Variants in NOL10 observed in about 807,000 individuals in gnomAD.
NOL10 encodes the protein H_NH0074G24.1.
In NOL10, 58 loss-of-function variants were observed where a neutral mutation model predicts 103.5. The observed-to-expected ratio is 0.56, with a 90% CI of 0.45 to 0.70. NOL10 has a LOEUF of 0.70. NOL10 is among the 30% of genes least tolerant of loss of function. The pLI is 0.00. For synonymous variants in NOL10, 287 were observed against 282.5 expected, an observed-to-expected ratio of 1.02 and a Z score of -0.16; for missense variants, 763 against 807.3, an observed-to-expected ratio of 0.95 and a Z score of 0.67.
intron 17 of NOL10, among the ~76,000 whole-genome samples, chr2:10,596,836 C>T (rs1158779132): frequency 1.3e-5 from 2 of 152,152 alleles, no homozygotes; most frequent in African/African-American, 4.8e-5. Context: ...AAAAATGATA[C>T]CTATAGGAAA....
chr2:10,612,637 G>C (rs1425288621), intron 13 of NOL10, among the ~76,000 whole-genome samples: 1 of 151,980 alleles, frequency 6.6e-6, no homozygotes, highest in African/African-American at 2.4e-5. Flanking sequence ...TGAGTAGCTG[G>C]GATTACAGGC....
chr2:10,657,603 C>T (rs1475940998), intron 11 of NOL10, 139 bp downstream of exon 11: 3 of 615,986 alleles, frequency 4.9e-6, no homozygotes, highest in Non-Finnish European at 8.1e-6. Context: ...CCAAAAGTAA[C>T]TGACCTCCCG....
chr2:10,689,259 C>T (rs1323162250), intron 1 of NOL10, among the ~76,000 whole-genome samples: 2 of 152,146 alleles, frequency 1.3e-5, no homozygotes, highest in African/African-American at 4.8e-5. Context: ...ACCGACTTGT[C>T]CAAGCCCTCT....
intron 19 of NOL10, among the ~76,000 whole-genome samples, chr2:10,587,795 C>T (rs1159316267): frequency 6.6e-6 from 1 of 152,146 alleles, no homozygotes; most frequent in East Asian, 1.9e-4. Flanking sequence ...CATATCTCAA[C>T]CCCAGAAACA....
chr2:10,618,163 C>A (rs1384233509), intron 13 of NOL10, among the ~76,000 whole-genome samples: 1 of 151,836 alleles, frequency 6.6e-6, no homozygotes, highest in Non-Finnish European at 1.5e-5. Flanking sequence ...GGGTGGGTAC[C>A]ACAGAGCCTG....
At chr2:10,620,855 G>C (rs1677103229) in intron 13 of NOL10, among the ~76,000 whole-genome samples, 1 of 152,144 alleles carries the variant, frequency 6.6e-6, no homozygotes, top group Admixed American at 6.6e-5. Flanking sequence ...GAGTGCAGTG[G>C]CATGATCTCA....
intron 13 of NOL10, among the ~76,000 whole-genome samples, chr2:10,632,407 C>A (rs1032349006): frequency 6.6e-6 from 1 of 152,172 alleles, no homozygotes; most frequent in Non-Finnish European, 1.5e-5. Flanking sequence ...TGAATGGGCT[C>A]ACTGTGTTTC....
rs576429098 is a variant in NOL10 at position 10,628,735 on chromosome 2, C to T, written c.1026+15585G>A. On this transcript the variant is annotated intron_variant, in intron 13 of 20. Transcript: ENST00000381685. ...CCAAAAAATCCCATGTCTTAAATGA[C>T]CAGAATCACACTCAGTGTGATGCTG... 1.6e-3 allele frequency among the ~76,000 whole-genome samples: 246 copies of T among 152,254 alleles called. 2 individuals carry two copies. The highest frequency in any genetic ancestry group is 5.7e-3 in the African/African-American group (238 of 41,540).
intron 13 of NOL10, among the ~76,000 whole-genome samples, chr2:10,631,495 A>C (rs372115119): frequency 7.0e-6 from 1 of 142,252 alleles, no homozygotes; most frequent in African/African-American, 3.1e-5. Flanking sequence ...TTTTTATAGG[A>C]AAAAAAAGTT....
intron 3 of NOL10, among the ~76,000 whole-genome samples, chr2:10,680,075 G>C (rs996968314): frequency 6.6e-6 from 1 of 150,844 alleles, no homozygotes; most frequent in South Asian, 2.2e-4. Flanking sequence ...AGGAGTTCGA[G>C]ACCAGCCTGG....
At chr2:10,673,635 T>G in intron 4 of NOL10, 78 bp from the exon 5 acceptor site, 2 of 947,548 alleles carry the variant, frequency 2.1e-6, no homozygotes, top group Non-Finnish European at 3.2e-6. Context: ...GCAAAGATTC[T>G]AATTCAACAC....
intron 1 of NOL10, among the ~76,000 whole-genome samples, chr2:10,686,540 G>C (rs1479341426): frequency 6.6e-6 from 1 of 152,112 alleles, no homozygotes; most frequent in Non-Finnish European, 1.5e-5. Flanking sequence ...GGATCACCCT[G>C]GCAGCTTACT....
chr2:10,629,017 C>T (rs1572328086), intron 13 of NOL10, among the ~76,000 whole-genome samples: 1 of 152,140 alleles, frequency 6.6e-6, no homozygotes, highest in East Asian at 1.9e-4. Context: ...ACATATGCCC[C>T]CCAGAGCGAA....
intron 20 of NOL10, among the ~76,000 whole-genome samples, chr2:10,576,027 T>C (rs777930841): frequency 3.1e-4 from 47 of 152,170 alleles, no homozygotes; most frequent in Middle Eastern, 3.2e-3. Flanking sequence ...TGGATGCACG[T>C]TGGGAAAATT....
At chr2:10,643,772 A>T (rs997881172) in intron 13 of NOL10, among the ~76,000 whole-genome samples, 8 of 152,244 alleles carry the variant, frequency 5.3e-5, no homozygotes, top group African/African-American at 1.2e-4. Flanking sequence ...AAATAAATGT[A>T]AATCAGAAGA....
chr2:10,593,608 A>C (rs528905244), intron 17 of NOL10, among the ~76,000 whole-genome samples: 2 of 152,348 alleles, frequency 1.3e-5, no homozygotes, highest in African/African-American at 4.8e-5. Flanking sequence ...GAAAAAAAGG[A>C]AAGGAAATAG....
intron 3 of NOL10, among the ~76,000 whole-genome samples, chr2:10,676,599 C>T (rs1301852239): frequency 3.3e-5 from 5 of 150,930 alleles, no homozygotes; most frequent in African/African-American, 1.2e-4. Context: ...TAATACGATC[C>T]CAATTTTGTA....
intron 13 of NOL10, among the ~76,000 whole-genome samples, chr2:10,610,988 TA>T (rs1426515601): frequency 6.6e-6 from 1 of 152,228 alleles, no homozygotes; most frequent in Non-Finnish European, 1.5e-5. Flanking sequence ...TTTTTCTTTT[TA>T]TTTTTTTAGA....
chr2:10,647,962 G>A (rs891445511), intron 12 of NOL10, among the ~76,000 whole-genome samples: 1 of 152,106 alleles, frequency 6.6e-6, no homozygotes, highest in East Asian at 1.9e-4. Context: ...TGAAACCACC[G>A]ATGCTGATTC....
Sources: allele counts gnomAD v4.1 joint callset (sites outside exome capture counted in the v4.1 genomes callset), GRCh38; gene constraint gnomAD v4.1.1; transcripts MANE v1.5; gene names NCBI Gene and HGNC (gene_info 2026-07-23, HGNC 2026-07-21).